PRKN: variants seen among roughly 807,000 people sequenced by gnomAD.
PRKN encodes parkin RBR E3 ubiquitin protein ligase.
In PRKN, 56 loss-of-function variants were observed where a neutral mutation model predicts 59.5. That is an observed-to-expected ratio of 0.94 (90% confidence interval 0.76 to 1.18). The LOEUF (loss-of-function observed/expected upper bound fraction) is 1.18, where lower values mean the gene tolerates loss of function less well. PRKN is among the 50% of genes most tolerant of loss of function. The pLI is 0.00. For synonymous variants in PRKN, 250 were observed against 222.1 expected, an observed-to-expected ratio of 1.13 and a Z score of -1.12; for missense variants, 657 against 596.4, an observed-to-expected ratio of 1.10 and a Z score of -1.06.
intron 4 of PRKN, among the ~76,000 whole-genome samples, chr6:162,129,125 A>G (rs1562529823): frequency 6.6e-6 from 1 of 152,236 alleles, no homozygotes; most frequent in Non-Finnish European, 1.5e-5. Flanking sequence ...ACCACAGGCT[A>G]CAAAAATTCT....
chr6:161,692,875 G>C (rs999116566), intron 7 of PRKN, among the ~76,000 whole-genome samples: 3 of 151,148 alleles, frequency 2.0e-5, no homozygotes, highest in Non-Finnish European at 2.9e-5. Flanking sequence ...TTGAACCTGA[G>C]AGGCTGAGGT....
chr6:162,426,259 C>T (rs754043157), intron 2 of PRKN, among the ~76,000 whole-genome samples: 18 of 152,102 alleles, frequency 1.2e-4, no homozygotes, highest in Admixed American at 8.5e-4. Context: ...ACAGAGTAGA[C>T]GGTTCAAAAT....
At chr6:161,857,921 A>G (rs950626046) in intron 6 of PRKN, among the ~76,000 whole-genome samples, 11 of 152,248 alleles carry the variant, frequency 7.2e-5, no homozygotes, top group African/African-American at 2.7e-4. Context: ...GCTGCAAGGT[A>G]ACAGGTAGGC....
intron 6 of PRKN, among the ~76,000 whole-genome samples, chr6:161,836,382 A>G (rs1055079373): frequency 6.6e-6 from 1 of 152,128 alleles, no homozygotes; most frequent in Non-Finnish European, 1.5e-5. Flanking sequence ...ATGAGGGGGA[A>G]ATTGCCGTAC....
intron 6 of PRKN, among the ~76,000 whole-genome samples, chr6:161,797,929 C>T (rs1407403823): frequency 6.6e-6 from 1 of 152,164 alleles, no homozygotes; most frequent in African/African-American, 2.4e-5. Flanking sequence ...GAGCCAGGCG[C>T]AGTGGCTCAT....
intron 9 of PRKN, among the ~76,000 whole-genome samples, chr6:161,465,533 T>A (rs1032845632): frequency 1.3e-5 from 2 of 152,150 alleles, no homozygotes; most frequent in Admixed American, 6.5e-5. Flanking sequence ...TCTTTCCATA[T>A]CATTCCATTG....
At chr6:161,450,835 G>C (rs111227477) in intron 9 of PRKN, among the ~76,000 whole-genome samples, 7,559 of 152,244 alleles carry the variant, frequency 0.05, 221 homozygotes, top group Non-Finnish European at 0.061. Flanking sequence ...GATTACAGGC[G>C]TGAGCCACCA....
chr6:162,482,128 T>C (rs1443547386), intron 1 of PRKN, among the ~76,000 whole-genome samples: 2 of 152,180 alleles, frequency 1.3e-5, no homozygotes, highest in African/African-American at 4.8e-5. Context: ...AAAAGTGGTG[T>C]GATAACCTTA....
chr6:161,935,451 G>A (rs932005389), intron 6 of PRKN, among the ~76,000 whole-genome samples: 1 of 151,914 alleles, frequency 6.6e-6, no homozygotes, highest in Non-Finnish European at 1.5e-5. Flanking sequence ...CTACTAGGGA[G>A]GCTGAGGTGG....
intron 2 of PRKN, among the ~76,000 whole-genome samples, chr6:162,437,575 T>C (rs867918415): frequency 6.6e-6 from 1 of 152,130 alleles, no homozygotes; most frequent in Non-Finnish European, 1.5e-5. Context: ...CGTACCCTCC[T>C]CTCACCTGCT....
At chr6:161,408,903 C>A (rs1208961658) in intron 9 of PRKN, among the ~76,000 whole-genome samples, 1 of 152,166 alleles carries the variant, frequency 6.6e-6, no homozygotes, top group East Asian at 1.9e-4. Flanking sequence ...CACAAGCATG[C>A]AGCAAGACTT....
At position 162,311,163 on chromosome 6, in the gene PRKN, T is replaced by C. The variant is rs563225744; in HGVS notation, c.172-48398A>G. On this transcript the variant is annotated intron_variant, in intron 2 of 11. Transcript: ENST00000366898. Reference sequence around the variant, plus strand: ...TCCTGTAACAGTTGAAGTTTTGTTATAGTGGTTTGAAAGATTGCTGATTTA... The same window carrying C: ...TCCTGTAACAGTTGAAGTTTTGTTACAGTGGTTTGAAAGATTGCTGATTTA... Among the ~76,000 whole-genome samples the C allele has an allele frequency of 1.1e-4, 17 of 152,308 alleles. No homozygotes were observed. In the South Asian group the frequency reaches 3.3e-3, roughly 30 times the overall value.
rs148301620 is a variant in PRKN at position 162,362,670 on chromosome 6, G to A, written c.171+80640C>T. ...ATATTAAGAAACAATAGTAGGAAGA[G>A]GCGGACTCACATTCATCTTGCTCTT... On this transcript the variant is annotated intron_variant, in intron 2 of 11. Transcript: ENST00000366898. Among the ~76,000 whole-genome samples the A allele has an allele frequency of 4.8e-3, 732 of 152,206 alleles. 7 individuals carry two copies. Among genetic ancestry groups the A allele is most frequent in the South Asian group, 0.015 (74 of 4,820 alleles).
At chr6:162,047,502 A>G (rs1327002898) in intron 5 of PRKN, among the ~76,000 whole-genome samples, 1 of 152,160 alleles carries the variant, frequency 6.6e-6, no homozygotes, top group African/African-American at 2.4e-5. Flanking sequence ...AGCATTTCTT[A>G]AAAACAAAAG....
At chr6:162,142,844 T>G (rs943363949) in intron 4 of PRKN, among the ~76,000 whole-genome samples, 1 of 152,190 alleles carries the variant, frequency 6.6e-6, no homozygotes, top group Non-Finnish European at 1.5e-5. Flanking sequence ...GATGGGAAAT[T>G]GGAAACAGGT....
At chr6:162,473,743 G>A (rs902710922) in intron 1 of PRKN, among the ~76,000 whole-genome samples, 3 of 152,058 alleles carry the variant, frequency 2.0e-5, no homozygotes, top group Middle Eastern at 3.4e-3. Context: ...TGTGGCTAAC[G>A]GCTACTATAT....
At chr6:162,339,514 T>TG (rs1383537155) in intron 2 of PRKN, among the ~76,000 whole-genome samples, 8 of 107,046 alleles carry the variant, frequency 7.5e-5, no homozygotes, top group Non-Finnish European at 1.2e-4. Flanking sequence ...GGGAGGGAGG[T>TG]GGGGGGGTCA....
chr6:161,897,933 C>G lies in PRKN; in HGVS notation c.734+75369G>C, dbSNP rs960594150. 7.6e-4 allele frequency among the ~76,000 whole-genome samples: 82 copies of G among 108,010 alleles called. 1 individual carries two copies. The highest frequency in any genetic ancestry group is 2.5e-3 in the African/African-American group (69 of 27,412). The allele number at this position is 108,010 out of a possible 152,430, so 70.9% of individuals were successfully genotyped here. A position where few individuals can be genotyped will look rare whatever the true frequency, so the allele number is the denominator to read the frequency against. On this transcript the variant is annotated intron_variant, in intron 6 of 11. Transcript: ENST00000366898. ...AGTGAGCTGAGATCGCGCCACTGCA[C>G]TCCAGCCTGGGTGACAGAGCGAGAC...
chr6:161,431,532 T>C (rs1490277232), intron 9 of PRKN, among the ~76,000 whole-genome samples: 2 of 152,310 alleles, frequency 1.3e-5, no homozygotes, highest in African/African-American at 2.4e-5. Flanking sequence ...TTCCACCTCT[T>C]ATTAACAACA....
Sources: allele counts gnomAD v4.1 joint callset (sites outside exome capture counted in the v4.1 genomes callset), GRCh38; gene constraint gnomAD v4.1.1; transcripts MANE v1.5; gene names NCBI Gene and HGNC (gene_info 2026-07-23, HGNC 2026-07-21).